The following PLK2 variants were observed in gnomAD, a reference collection of about 807,000 sequenced individuals.
The protein encoded by PLK2 is polo like kinase 2, also known as serine/threonine-protein kinase PLK2.
Under a neutral mutation model 78.1 loss-of-function variants are expected in PLK2, and 25 were observed. The observed-to-expected ratio is 0.32, with a 90% CI of 0.23 to 0.45. PLK2 has a LOEUF of 0.45. Among genes scored for constraint, PLK2 ranks in the 20% least tolerant of loss-of-function variants. The probability of loss-of-function intolerance (pLI) is 1.00; values close to 1 mark genes in which losing one functional copy is unlikely to be tolerated. For missense variants in PLK2, 566 were observed against 840.2 expected, an observed-to-expected ratio of 0.67 and a Z score of 4.04; for synonymous variants, 332 against 298.2, an observed-to-expected ratio of 1.11 and a Z score of -1.17.
At position 58,460,026 on chromosome 5, in the gene PLK2, G is replaced by A; in HGVS notation, c.-67C>T. ...GCGCGGTCACACGTCCGAGCCGGCC[G>A]TGGTCCTCGCACCCTTGCCTCTGGT... On this transcript the variant is annotated 5_prime_UTR_variant, in exon 1 of 14. It adds an upstream start codon to the 5' untranslated region. Transcript: ENST00000274289. The A allele has an allele frequency of 2.0e-6, 3 of 1,518,258 alleles. No homozygotes were observed. Among genetic ancestry groups the A allele is most frequent in the South Asian group, 1.2e-5 (1 of 80,262 alleles). The allele number at this position is 1,518,258 out of a possible 1,614,324, so 94.0% of individuals were successfully genotyped here.
intron 8 of PLK2, 106 bp downstream of exon 8, chr5:58,456,839 G>C: frequency 2.8e-6 from 2 of 726,916 alleles, no homozygotes; most frequent in South Asian, 4.1e-5. Context: ...TTAAGAATAC[G>C]CAAATATGGC....
At position 58,454,543 on chromosome 5, in the gene PLK2, T is replaced by G; in HGVS notation, c.*40A>C. On this transcript the variant is annotated 3_prime_UTR_variant, in exon 14 of 14. Transcript: ENST00000274289. Reference sequence around the variant, plus strand: ...TTTGGCTTCCCTGTAGATCTCACAGTGGAAAAGAGGAGTCCCATAGGGTCC... The same window carrying G: ...TTTGGCTTCCCTGTAGATCTCACAGGGGAAAAGAGGAGTCCCATAGGGTCC... 7.4e-7 allele frequency: 1 copy of G among 1,345,978 alleles called. No individual in the cohort carries two copies. Among genetic ancestry groups the G allele is most frequent in the South Asian group, 1.3e-5 (1 of 76,576 alleles). The allele number at this position is 1,345,978 out of a possible 1,614,324, so 83.4% of individuals were successfully genotyped here.
chr5:58,459,421 T>C, intron 1 of PLK2: 1 of 564,704 alleles, frequency 1.8e-6, no homozygotes, highest in Admixed American at 3.3e-5. Flanking sequence ...GAGAGAGGTC[T>C]GATGTAGAAA....
Position 58,460,075 on chromosome 5 carries a change from G to A in PLK2, c.-116C>T, listed in dbSNP as rs758496583. 6.5e-5 allele frequency: 81 copies of A among 1,246,574 alleles called. No homozygotes were observed. The highest frequency in any genetic ancestry group is 2.9e-4 in the Middle Eastern group (1 of 3,500). 77.2% of individuals were successfully genotyped at this position (1,246,574 alleles called of 1,614,324 possible). ...GTGCCGACTAGCACCCAACACCCCG[G>A]TCCACTTGTGCGAGTGAGAGCGCTC... is the stretch of plus-strand genomic sequence containing the variant. On this transcript the variant is annotated 5_prime_UTR_variant, in exon 1 of 14. Coordinates refer to ENST00000274289, the MANE Select transcript of PLK2 (RefSeq NM_006622.4).
rs1314576457 is a variant in PLK2 at position 58,455,217 on chromosome 5, G to A, written c.1755+68C>T. ...GAATCTGTTTCTAACAAGCTTCAAA[G>A]TGATGCAGACACTACTGCTTTGTGG... On this transcript the variant is annotated intron_variant, in intron 12 of 13. Transcript: ENST00000274289. 3.9e-6 allele frequency: 6 copies of A among 1,545,412 alleles called. No individual in the cohort carries two copies. The Admixed American group carries it at 1.0e-4, about 27-fold the overall frequency.
At chr5:58,456,460 G>T in intron 9 of PLK2, 32 bp downstream of exon 9, 2 of 1,211,184 alleles carry the variant, frequency 1.7e-6, no homozygotes, top group African/African-American at 1.5e-5. Flanking sequence ...AACGTAAAGC[G>T]TGAGTATCTA....
At chr5:58,454,851 C>G in intron 13 of PLK2, 60 bp downstream of exon 13, 1 of 1,454,076 alleles carries the variant, frequency 6.9e-7, no homozygotes. Context: ...ACTAAACTGT[C>G]TAGGTACAAA....
At chr5:58,455,175 C>T in intron 12 of PLK2, 110 bp downstream of exon 12, 4 of 1,333,200 alleles carry the variant, frequency 3.0e-6, no homozygotes, top group Non-Finnish European at 4.2e-6. Flanking sequence ...ATTCAGTACA[C>T]CAACGGTAGG....
chr5:58,456,022 T>G lies in PLK2; in HGVS notation c.1384+4A>C. On this transcript the variant is annotated splice_donor_region_variant and intron_variant, in intron 10 of 13. Transcript: ENST00000274289. ...TATTTAAAATACGATTGACAACCAC[T>G]TACATTCACTGCTGCTGCTACAGCT... The G allele has an allele frequency of 6.2e-7, 1 of 1,610,206 alleles. No individual in the cohort carries two copies. The highest frequency in any genetic ancestry group is 8.5e-7 in the Non-Finnish European group (1 of 1,178,850).
In PLK2 at chr5:58,460,049, G is replaced by T. The variant is rs1296247037; in HGVS notation, c.-90C>A. The T allele has an allele frequency of 1.4e-6, 2 of 1,444,554 alleles. No homozygotes were observed. Among genetic ancestry groups the T allele is most frequent in the Non-Finnish European group, 1.9e-6 (2 of 1,076,824 alleles). 89.5% of individuals were successfully genotyped at this position (1,444,554 alleles called of 1,614,324 possible). A position where few individuals can be genotyped will look rare whatever the true frequency, so the allele number is the denominator to read the frequency against. ...CCGTGGTCCTCGCACCCTTGCCTCTGGTGCCGACTAGCACCCAACACCCCG... is the reference window on the plus strand; with the variant it reads ...CCGTGGTCCTCGCACCCTTGCCTCTTGTGCCGACTAGCACCCAACACCCCG... On this transcript the variant is annotated 5_prime_UTR_variant, in exon 1 of 14. Coordinates refer to ENST00000274289, the MANE Select transcript of PLK2 (RefSeq NM_006622.4).
rs1460916591 is a variant in PLK2, at chr5:58,455,683, T to C, written c.1481A>G (p.Lys494Arg). ...ENMPEADCIP[K>R]EQLSTSFQWV... is the part of the protein sequence containing the mutation. ...CTGAAATGATGTGCTCAGCTGCTCT[T>C]TGGGAATGCAATCAGCTTCCGGCAT... The change falls in exon 11 of 14, where the codon AAA (lysine) becomes AGA (arginine). Residue 494 changes from lysine (K) to arginine (R), a missense_variant. By Grantham distance (26) the Lys-to-Arg change is conservative. This residue lies in a region of PLK2 where 129 missense variants were observed against 156.0 expected (regional missense o/e 0.83). Coordinates refer to ENST00000274289, the MANE Select transcript of PLK2 (RefSeq NM_006622.4). 6.2e-7 allele frequency: 1 copy of C among 1,614,058 alleles called. No individual in the cohort carries two copies. The highest frequency in any genetic ancestry group is 8.5e-7 in the Non-Finnish European group (1 of 1,180,036).
chr5:58,455,622 A>G lies in PLK2; in HGVS notation c.1542T>C (p.Tyr514=), dbSNP rs751019936. Reference sequence around the variant, plus strand: ...GGTCTGAGAGCTGGTACCCAAAGCCATATTTGTTAGAGTAATCAACCCATT... The same window carrying G: ...GGTCTGAGAGCTGGTACCCAAAGCCGTATTTGTTAGAGTAATCAACCCATT... ...VTKWVDYSNK[Y]GFGYQLSDHT... Residue 514 remains tyrosine, a synonymous_variant, in exon 11 of 14, where the codon TAT becomes TAC. Coordinates refer to ENST00000274289, the MANE Select transcript of PLK2 (RefSeq NM_006622.4). 6.2e-6 allele frequency: 10 copies of G among 1,613,916 alleles called. No homozygotes were observed. Among genetic ancestry groups the G allele is most frequent in the Middle Eastern group, 1.6e-4 (1 of 6,084 alleles).
chr5:58,456,672 C>T (rs1743613673), intron 8 of PLK2, 83 bp from the exon 9 acceptor site: 1 of 904,772 alleles, frequency 1.1e-6, no homozygotes, highest in South Asian at 1.6e-5. Context: ...CTCCTTCTTG[C>T]ATTATTGACC....
rs778288488 is a variant in PLK2 at position 58,459,768 on chromosome 5, G to A, written c.192C>T (p.His64=). Residue 64 remains histidine, a synonymous_variant, in exon 1 of 14, where the codon CAC becomes CAT. Coordinates refer to ENST00000274289, the MANE Select transcript of PLK2 (RefSeq NM_006622.4). ...AAPHHHHHHS[H]SGPEISRIIV... ...TAATCCGCGAGATCTCCGGCCCCGA[G>A]TGCGAATGGTGGTGATGGTGGTGAG... 2 of 1,607,782 alleles carry A rather than the reference G, an allele frequency of 1.2e-6. No individual in the cohort carries two copies. The highest frequency in any genetic ancestry group is 1.7e-6 in the Non-Finnish European group (2 of 1,179,618).
rs148434335 is a variant in PLK2 at position 58,458,514 on chromosome 5, A to G, written c.510T>C (p.Ile170=). The G allele has an allele frequency of 4.7e-5, 75 of 1,611,256 alleles. No individual in the cohort carries two copies. The highest frequency in any genetic ancestry group is 1.3e-4 in the Admixed American group (8 of 59,664). ...EYCSRRSMAH[I]LKARKVLTEP... is the part of the protein sequence containing the mutation. ...CTGTCAACACCTTTCTTGCTTTCAAAATATGAGCCATTGACTAAGAAGAGG... is the reference window on the plus strand; with the variant it reads ...CTGTCAACACCTTTCTTGCTTTCAAGATATGAGCCATTGACTAAGAAGAGG... The change falls in exon 4 of 14, where the codon ATT becomes ATC. Residue 170 remains isoleucine (I), a synonymous_variant. Transcript: ENST00000274289.
intron 1 of PLK2, 124 bp downstream of exon 1, chr5:58,459,566 G>T: frequency 2.5e-6 from 2 of 814,244 alleles, no homozygotes; most frequent in Non-Finnish European, 3.7e-6. Flanking sequence ...CCCACCTCGC[G>T]CTGGGATCGG....
chr5:58,459,881 C>A lies in PLK2; in HGVS notation c.79G>T (p.Gly27Ter). ...MCEQALGKGC[G>*]ADSKKKRPPQ... ...GGCCGCTTCTTCTTCGAGTCCGCTC[C>A]GCAACCCTTGCCCAGCGCCTGCTCG... is the stretch of plus-strand genomic sequence containing the variant. Residue 27 changes from glycine (G) to a stop codon, truncating the protein, a stop_gained, in exon 1 of 14, where the codon GGA becomes TGA. Coordinates refer to ENST00000274289, the MANE Select transcript of PLK2 (RefSeq NM_006622.4). LOFTEE classifies it high-confidence loss of function. 6.2e-7 allele frequency: 1 copy of A among 1,611,902 alleles called. No homozygotes were observed. Among genetic ancestry groups the A allele is most frequent in the Non-Finnish European group, 8.5e-7 (1 of 1,179,782 alleles).
chr5:58,459,799 G>T lies in PLK2; in HGVS notation c.161C>A (p.Ala54Glu). The part of the protein sequence containing the change: ...PPQSQAQVPP[A>E]APHHHHHHSH... ...ATGGTGGTGATGGTGGTGAGGGGCC[G>T]CCGGGGGCACTTGCGCCTGGGACTG... Residue 54 changes from alanine to glutamate, a missense_variant, in exon 1 of 14, where the codon GCG (alanine) becomes GAG (glutamate). Coordinates refer to ENST00000274289, the MANE Select transcript of PLK2 (RefSeq NM_006622.4). 1 of 1,608,470 alleles carries T rather than the reference G, an allele frequency of 6.2e-7. No homozygotes were observed.
chr5:58,454,918 G>T lies in PLK2; in HGVS notation c.1859C>A (p.Thr620Asn). The T allele has an allele frequency of 6.3e-7, 1 of 1,599,532 alleles. No individual in the cohort carries two copies. Among genetic ancestry groups the T allele is most frequent in the Non-Finnish European group, 8.6e-7 (1 of 1,166,656 alleles). ...KALMMLFNDG[T>N]FQVNFYHDHT... ...CCTGAAGAGTTCATTTACCTGAAAGGTGCCATCATTAAAGAGCATCATTAG... is the reference window on the plus strand; with the variant it reads ...CCTGAAGAGTTCATTTACCTGAAAGTTGCCATCATTAAAGAGCATCATTAG... The change falls in exon 13 of 14, where the codon ACC becomes AAC. Residue 620 changes from threonine (T) to asparagine (N), a missense_variant. Transcript: ENST00000274289.
Sources: allele counts gnomAD v4.1 joint callset, GRCh38; gene constraint gnomAD v4.1.1; regional missense constraint gnomAD v4.1.1; transcripts MANE v1.5; gene names NCBI Gene and HGNC (gene_info 2026-07-23, HGNC 2026-07-21).